H6PD: variants seen among roughly 807,000 people sequenced by gnomAD.
H6PD encodes the protein hexose-6-phosphate dehydrogenase/glucose 1-dehydrogenase, also known as GDH/6PGL endoplasmic bifunctional protein.
Under a neutral mutation model 61.2 loss-of-function variants are expected in H6PD, and 48 were observed. The ratio of observed to expected loss-of-function variants is 0.78; its 90% CI spans 0.62 to 1.00. H6PD has a LOEUF of 1.00. Ranked by LOEUF, H6PD falls within the 50% of genes least tolerant of loss-of-function variation. The pLI is 0.00. For synonymous variants in H6PD, 480 were observed against 457.9 expected, an observed-to-expected ratio of 1.05 and a Z score of -0.62; for missense variants, 1,093 against 1,065.0, an observed-to-expected ratio of 1.03 and a Z score of -0.37.
At chr1:9,251,874 G>A (rs1641376043) in intron 3 of H6PD, among the ~76,000 whole-genome samples, 2 of 136,782 alleles carry the variant, frequency 1.5e-5, no homozygotes, top group African/African-American at 5.7e-5. Context: ...GCTCTTAGTT[G>A]TCTTTTTTTT....
At position 9,238,401 on chromosome 1, in the gene H6PD, A is replaced by G. The variant is rs1235435233; in HGVS notation, c.-11+3335A>G. ...GACTGCCGTGTTGAGGCTCAGCCATAGAGGGTCCAGGTAGACAGAGGAGGC... is the reference window on the plus strand; with the variant it reads ...GACTGCCGTGTTGAGGCTCAGCCATGGAGGGTCCAGGTAGACAGAGGAGGC... On this transcript the variant is annotated intron_variant, in intron 1 of 4. Transcript: ENST00000377403. Among the ~76,000 whole-genome samples, 4 of 152,358 alleles carry G rather than the reference A, an allele frequency of 2.6e-5. 1 individual carries two copies. The East Asian group carries it at 5.8e-4, about 22-fold the overall frequency.
At position 9,247,099 on chromosome 1, in the gene H6PD, TG is replaced by T; in HGVS notation, c.745+17del. 2.7e-6 allele frequency: 4 copies of T among 1,491,656 alleles called. No homozygotes were observed. Among genetic ancestry groups the T allele is most frequent in the South Asian group, 1.1e-5 (1 of 89,030 alleles). The allele number at this position is 1,491,656 out of a possible 1,614,324, so 92.4% of individuals were successfully genotyped here. On this transcript the variant is annotated intron_variant, in intron 3 of 4. Coordinates refer to ENST00000377403, the MANE Select transcript of H6PD (RefSeq NM_004285.4). Reference sequence around the variant, plus strand: ...GATGCTGAAGGTGTGTGAGTGGCCCTGCGCACTCGGTCCCCCAGCCTCTGCC... The same window carrying T: ...GATGCTGAAGGTGTGTGAGTGGCCCTCGCACTCGGTCCCCCAGCCTCTGCC...
At chr1:9,239,991 C>T in intron 1 of H6PD, 1 of 1,231,724 alleles carries the variant, frequency 8.1e-7, no homozygotes, top group Non-Finnish European at 1.0e-6. Flanking sequence ...CCCCCACCTT[C>T]TGGGATGTTA....
At chr1:9,256,381 T>C (rs970551657) in intron 3 of H6PD, among the ~76,000 whole-genome samples, 3 of 152,218 alleles carry the variant, frequency 2.0e-5, no homozygotes, top group Non-Finnish European at 4.4e-5. Context: ...CTGGTTGTTA[T>C]GGCCGGGGAC....
chr1:9,254,836 C>T lies in H6PD; in HGVS notation c.746-7223C>T, dbSNP rs928148118. 3.9e-5 allele frequency among the ~76,000 whole-genome samples: 6 copies of T among 152,182 alleles called. No homozygotes were observed. Among genetic ancestry groups the T allele is most frequent in the African/African-American group, 1.4e-4 (6 of 41,442 alleles). ...GACATGTTCATCACGGCAAAGGAAG[C>T]CCTGTACCCCTTCGTTGTCATCCCA... On this transcript the variant is annotated intron_variant, in intron 3 of 4. Transcript: ENST00000377403. This position sits in a 1 kb window ranked among gnomAD's most constrained non-coding sequence, Gnocchi z 4.6.
chr1:9,263,497 C>G lies in H6PD; in HGVS notation c.1016-12C>G, dbSNP rs749195458. On this transcript the variant is annotated splice_polypyrimidine_tract_variant and intron_variant, in intron 4 of 4. Transcript: ENST00000377403. ...TGCCAGAGAGTCACCCTCTGCTGTTCCCTCACCCCAGCCGTCCTAGTGCAC... is the reference window on the plus strand; with the variant it reads ...TGCCAGAGAGTCACCCTCTGCTGTTGCCTCACCCCAGCCGTCCTAGTGCAC... The G allele has an allele frequency of 3.1e-6, 5 of 1,613,386 alleles. No individual in the cohort carries two copies. Among genetic ancestry groups the G allele is most frequent in the Non-Finnish European group, 4.2e-6 (5 of 1,179,420 alleles).
At chr1:9,256,599 G>A (rs980581308) in intron 3 of H6PD, among the ~76,000 whole-genome samples, 1 of 152,192 alleles carries the variant, frequency 6.6e-6, no homozygotes, top group African/African-American at 2.4e-5. Context: ...GACCCAGAGT[G>A]GCTGCTGGGA....
intron 1 of H6PD, among the ~76,000 whole-genome samples, chr1:9,243,325 T>G (rs544990919): frequency 4.2e-4 from 64 of 152,330 alleles, no homozygotes; most frequent in Non-Finnish European, 5.9e-4. Context: ...AAACCTCAAC[T>G]TCTCCATTTG....
At position 9,262,549 on chromosome 1, in the gene H6PD, C is replaced by T. The variant is rs530112765; in HGVS notation, c.1015+221C>T. Among the ~76,000 whole-genome samples, 7 of 152,348 alleles carry T rather than the reference C, an allele frequency of 4.6e-5. No homozygotes were observed. The South Asian group carries it at 1.4e-3, about 32-fold the overall frequency. ...CTCAGGGCGAAGGACATCCCAATGG[C>T]CATGGCCTCGTGTCAGCCCCAGTTC... On this transcript the variant is annotated intron_variant, in intron 4 of 4. Transcript: ENST00000377403.
At position 9,263,879 on chromosome 1, in the gene H6PD, AT is replaced by A; in HGVS notation, c.1387del (p.Ser463ProfsTer101). Reference protein sequence around the residue: ...RERDAHSVLLSHIFHGRKNFF... With the variant: ...RERDAHSVLLXHIFHGRKNFF... ...AGCGGGACGCCCACTCCGTCCTCTTATCCCATATCTTCCATGGCCGGAAGAA... is the reference window on the plus strand; with the variant it reads ...AGCGGGACGCCCACTCCGTCCTCTTACCCATATCTTCCATGGCCGGAAGAA... On this transcript the variant is annotated frameshift_variant, in exon 5 of 5. Coordinates refer to ENST00000377403, the MANE Select transcript of H6PD (RefSeq NM_004285.4). LOFTEE classifies it high-confidence loss of function. 1 of 1,614,052 alleles carries A rather than the reference AT, an allele frequency of 6.2e-7. No homozygotes were observed. The highest frequency in any genetic ancestry group is 8.5e-7 in the Non-Finnish European group (1 of 1,179,984).
chr1:9,257,278 C>T (rs1293290166), intron 3 of H6PD, among the ~76,000 whole-genome samples: 1 of 151,660 alleles, frequency 6.6e-6, no homozygotes, highest in African/African-American at 2.4e-5. Context: ...TAGTTGGGAC[C>T]ACACTTGGCT....
At chr1:9,258,291 G>A (rs1007207223) in intron 3 of H6PD, among the ~76,000 whole-genome samples, 7 of 134,248 alleles carry the variant, frequency 5.2e-5, no homozygotes, top group African/African-American at 1.0e-4. Flanking sequence ...TGTTACACCC[G>A]TGTTGTTACG....
At chr1:9,248,147 C>T (rs2100339741) in intron 3 of H6PD, among the ~76,000 whole-genome samples, 1 of 152,346 alleles carries the variant, frequency 6.6e-6, no homozygotes, top group South Asian at 2.1e-4. Context: ...CCGCTTTCTG[C>T]AGCTGCAGCG....
chr1:9,235,869 T>A (rs1391307827), intron 1 of H6PD, among the ~76,000 whole-genome samples: 1 of 152,238 alleles, frequency 6.6e-6, no homozygotes, highest in Non-Finnish European at 1.5e-5. Context: ...GCTTAAGCCT[T>A]ACGAAGTGTT....
chr1:9,251,383 A>G (rs994446995), intron 3 of H6PD, among the ~76,000 whole-genome samples: 16 of 151,970 alleles, frequency 1.1e-4, no homozygotes, highest in African/African-American at 3.9e-4. Flanking sequence ...GCTGGAACGC[A>G]CTCAGGGCCA....
At chr1:9,244,768 C>T in intron 1 of H6PD, among the ~76,000 whole-genome samples, 157 bp from the exon 2 acceptor site, 1 of 152,222 alleles carries the variant, frequency 6.6e-6, no homozygotes. Flanking sequence ...AGAAGCCAAG[C>T]TGTCAGGAGG....
At chr1:9,247,297 A>C (rs1218080648) in intron 3 of H6PD, among the ~76,000 whole-genome samples, 1 of 152,154 alleles carries the variant, frequency 6.6e-6, no homozygotes, top group African/African-American at 2.4e-5. Context: ...TATGGTCCAG[A>C]GAAGTAGGCC....
chr1:9,238,395 A>T (rs1047165040), intron 1 of H6PD, among the ~76,000 whole-genome samples: 1 of 152,244 alleles, frequency 6.6e-6, no homozygotes, highest in Non-Finnish European at 1.5e-5. Context: ...GTTGAGGCTC[A>T]GCCATAGAGG....
At position 9,244,906 on chromosome 1, in the gene H6PD, GTC is replaced by G; in HGVS notation, c.-10-13_-10-12del. ...TCTGATCCTTCCTTGTTCCTCGTCT[GTC>G]TCTCTTTGCACCCCAGGCACCCAGG... On this transcript the variant is annotated splice_polypyrimidine_tract_variant and intron_variant, in intron 1 of 4. Transcript: ENST00000377403. 1 of 1,611,036 alleles carries G rather than the reference GTC, an allele frequency of 6.2e-7. No homozygotes were observed. The highest frequency in any genetic ancestry group is 8.5e-7 in the Non-Finnish European group (1 of 1,178,206).
Sources: allele counts gnomAD v4.1 joint callset (sites outside exome capture counted in the v4.1 genomes callset), GRCh38; gene constraint gnomAD v4.1.1; non-coding constraint Gnocchi (gnomAD v3.1); transcripts MANE v1.5; gene names NCBI Gene and HGNC (gene_info 2026-07-23, HGNC 2026-07-21).